MYO5C: variants seen among roughly 807,000 people sequenced by gnomAD.
MYO5C encodes the protein unconventional myosin-Vc.
Under a neutral mutation model 235.7 loss-of-function variants are expected in MYO5C, and 194 were observed. That is an observed-to-expected ratio of 0.82 (90% CI 0.73 to 0.93). MYO5C has a LOEUF of 0.93. Ranked by LOEUF, MYO5C falls within the 40% of genes least tolerant of loss-of-function variation. The pLI is 0.00. For missense variants in MYO5C, 2,038 were observed against 2,127.2 expected, an observed-to-expected ratio of 0.96 and a Z score of 0.82; for synonymous variants, 707 against 754.8, an observed-to-expected ratio of 0.94 and a Z score of 1.04.
chr15:52,253,524 G>T, intron 11 of MYO5C, 67 bp from the exon 12 acceptor site: 2 of 1,416,794 alleles, frequency 1.4e-6, no homozygotes, highest in Non-Finnish European at 2.0e-6. Flanking sequence ...AGAGCAGGAT[G>T]TAAGCATTTG....
rs1296299435 is a variant in MYO5C, at chr15:52,196,446, T to C, written c.4858A>G (p.Lys1620Glu). The change falls in exon 39 of 41, where the codon AAG (lysine) becomes GAG (glutamate). Residue 1620 changes from lysine (K) to glutamate (E), a missense_variant. By Grantham distance (56) the Lys-to-Glu change is moderately conservative. Transcript: ENST00000261839. ...TTTGCTAAGCTGTTCTGCAAGTTCT[T>C]ATCTTTAAGCCATTCTTCTAAGTAG... ...ISYLEEWLKD[K>E]NLQNSLAKET... 4 of 1,614,010 alleles carry C rather than the reference T, an allele frequency of 2.5e-6. No homozygotes were observed. The highest frequency in any genetic ancestry group is 3.4e-6 in the Non-Finnish European group (4 of 1,180,006).
chr15:52,245,844 C>G, intron 17 of MYO5C, 112 bp downstream of exon 17: 1 of 992,292 alleles, frequency 1.0e-6, no homozygotes, highest in East Asian at 2.5e-5. Context: ...CTTGGGGGCA[C>G]TTTACAGAAG....
intron 5 of MYO5C, among the ~76,000 whole-genome samples, chr15:52,274,681 G>T (rs994888391): frequency 3.7e-5 from 4 of 109,194 alleles, no homozygotes; most frequent in Admixed American, 2.0e-4. Context: ...CCCCCCCCCC[G>T]ACATATGTTT....
intron 4 of MYO5C, chr15:52,277,149 A>G (rs1335612103): frequency 5.7e-6 from 3 of 529,988 alleles, no homozygotes; most frequent in Non-Finnish European, 1.2e-5. Flanking sequence ...GGCATAGAAC[A>G]GGGCTTTAGT....
chr15:52,240,536 T>G (rs1316960015), intron 20 of MYO5C, among the ~76,000 whole-genome samples: 2 of 83,540 alleles, frequency 2.4e-5, no homozygotes, highest in African/African-American at 6.4e-5. Context: ...AGACTCATTC[T>G]CTACAAAAAA....
intron 1 of MYO5C, among the ~76,000 whole-genome samples, chr15:52,287,221 C>T (rs960619857): frequency 1.3e-5 from 2 of 152,066 alleles, no homozygotes; most frequent in African/African-American, 4.8e-5. Context: ...TTTGAGAGAA[C>T]GAGAATGGAA....
rs145213336 is a variant in MYO5C, at chr15:52,212,209, C to G, written c.4142-325G>C. Among the ~76,000 whole-genome samples the G allele has an allele frequency of 4.9e-3, 741 of 152,208 alleles. 14 individuals carry two copies. Among genetic ancestry groups the G allele is most frequent in the Admixed American group, 0.025 (387 of 15,288 alleles). The stretch of plus-strand genomic sequence containing the variant: ...AAGAAAGAAACTCCATTCCATGCAC[C>G]CCTACTCCAAGCGCTTTGATGAGGA... On this transcript the variant is annotated intron_variant, in intron 34 of 40. Coordinates refer to ENST00000261839, the MANE Select transcript of MYO5C (RefSeq NM_018728.4).
At chr15:52,264,426 C>G (rs2036759197) in intron 8 of MYO5C, 130 bp from the exon 9 acceptor site, 1 of 694,038 alleles carries the variant, frequency 1.4e-6, no homozygotes, top group Non-Finnish European at 2.4e-6. Flanking sequence ...GTGAAGTGGA[C>G]CCCAGGGGCA....
intron 24 of MYO5C, among the ~76,000 whole-genome samples, chr15:52,231,546 A>G (rs559835995): frequency 1.3e-5 from 2 of 152,316 alleles, no homozygotes; most frequent in East Asian, 3.9e-4. Flanking sequence ...AATTAGACAT[A>G]TTTAAAAACT....
chr15:52,211,588 T>A, intron 35 of MYO5C, 142 bp downstream of exon 35: 1 of 892,778 alleles, frequency 1.1e-6, no homozygotes, highest in Non-Finnish European at 1.7e-6. Context: ...ACAGTGTGGC[T>A]CCCTTCACTA....
chr15:52,243,624 A>C (rs1245829550), intron 19 of MYO5C: 1 of 152,382 alleles, frequency 6.6e-6, no homozygotes, highest in Non-Finnish European at 1.5e-5. Flanking sequence ...CGGCCTTCTC[A>C]AGCATCCTCA....
intron 15 of MYO5C, 150 bp downstream of exon 15, chr15:52,247,308 T>C (rs993129668): frequency 2.1e-6 from 2 of 947,510 alleles, no homozygotes; most frequent in African/African-American, 1.6e-5. Context: ...ATGACGACGA[T>C]GAACTTTTTG....
At chr15:52,219,603 C>A (rs1432426598) in intron 31 of MYO5C, among the ~76,000 whole-genome samples, 156 bp downstream of exon 31, 1 of 152,240 alleles carries the variant, frequency 6.6e-6, no homozygotes, top group Non-Finnish European at 1.5e-5. Context: ...GTTGTACATA[C>A]ACATATTTCT....
In MYO5C at chr15:52,232,652, T is replaced by A. The variant is rs754445652; in HGVS notation, c.2996A>T (p.Asp999Val). 1.4e-5 allele frequency: 22 copies of A among 1,613,818 alleles called. No individual in the cohort carries two copies. The highest frequency in any genetic ancestry group is 1.3e-4 in the Admixed American group (8 of 59,958). Residue 999 changes from aspartate to valine, a missense_variant, in exon 24 of 41, where the codon GAT (aspartate) becomes GTT (valine). Asp to Val is a radical substitution (Grantham distance 152). Coordinates refer to ENST00000261839, the MANE Select transcript of MYO5C (RefSeq NM_018728.4). ...TTGCCGTTCTTCCTTTTGTACATCA[T>A]CAAAGAGCTGCTTGGTGAGGTTGTC... ...KMDNLTKQLF[D>V]DVQKEERQRM...
intron 23 of MYO5C, among the ~76,000 whole-genome samples, chr15:52,233,709 C>T (rs1052652449): frequency 6.6e-5 from 10 of 152,228 alleles, no homozygotes; most frequent in Non-Finnish European, 4.4e-5. Flanking sequence ...AAGGGCAGGA[C>T]GTTCCATGGC....
chr15:52,232,404 A>C (rs2035985824), intron 24 of MYO5C, among the ~76,000 whole-genome samples: 1 of 152,164 alleles, frequency 6.6e-6, no homozygotes, highest in African/African-American at 2.4e-5. Context: ...CACTGTACCC[A>C]CCCAGCAGAA....
intron 31 of MYO5C, among the ~76,000 whole-genome samples, chr15:52,218,988 GTGACAGC>G (rs2141283126): frequency 1.3e-5 from 2 of 152,274 alleles, no homozygotes; most frequent in South Asian, 4.1e-4. Flanking sequence ...ACCATACGCT[GTGACAGC>G]TAAGCAGTCA....
In MYO5C at chr15:52,247,878, G is replaced by A. The variant is rs140230615; in HGVS notation, c.1747-286C>T. ...GGAAACATCTACTATTCTCACCTCCGTGCCTGGCTCACACTGTGTCTCCAC... is the reference window on the plus strand; with the variant it reads ...GGAAACATCTACTATTCTCACCTCCATGCCTGGCTCACACTGTGTCTCCAC... On this transcript the variant is annotated intron_variant, in intron 14 of 40. Transcript: ENST00000261839. Among the ~76,000 whole-genome samples the A allele has an allele frequency of 5.5e-3, 843 of 152,178 alleles. 5 individuals carry two copies. The highest frequency in any genetic ancestry group is 0.019 in the African/African-American group (801 of 41,514).
At chr15:52,224,268 G>A (rs1420099361) in intron 28 of MYO5C, among the ~76,000 whole-genome samples, 1 of 152,208 alleles carries the variant, frequency 6.6e-6, no homozygotes, top group Non-Finnish European at 1.5e-5. Flanking sequence ...GGGTAACAGA[G>A]CGAGACTCCA....
Sources: allele counts gnomAD v4.1 joint callset (sites outside exome capture counted in the v4.1 genomes callset), GRCh38; gene constraint gnomAD v4.1.1; transcripts MANE v1.5; gene names NCBI Gene and HGNC (gene_info 2026-07-23, HGNC 2026-07-21).